The following ZNF320 variants were observed in gnomAD, a reference collection of about 807,000 sequenced individuals.
ZNF320 encodes the protein zinc finger gene 320.
Under a neutral mutation model 6.8 loss-of-function variants are expected in ZNF320, and 2 were observed. The ratio of observed to expected loss-of-function variants is 0.29; its 90% CI spans 0.12 to 0.93. The LOEUF (loss-of-function observed/expected upper bound fraction) is 0.93, where lower values mean the gene tolerates loss of function less well. ZNF320 is among the 40% of genes least tolerant of loss of function. The pLI is 0.55. For synonymous variants in ZNF320, 208 were observed against 203.2 expected (o/e 1.02, Z -0.20); for missense variants, 472 against 611.0 (o/e 0.77, Z 2.40).
rs569675464 is a variant in ZNF320 at position 52,865,451 on chromosome 19, TGTA to T, written c.224-1295_224-1293del. 268 of 121,852 alleles carry T rather than the reference TGTA, an allele frequency of 2.2e-3. 12 individuals carry two copies. The highest frequency in any genetic ancestry group is 7.8e-3 in the African/African-American group (179 of 23,030). The allele number at this position is 121,852 out of a possible 1,614,324, so 7.5% of individuals were successfully genotyped here. On this transcript the variant is annotated intron_variant, in intron 5 of 5. Coordinates refer to the ZNF320 transcript ENST00000673631. ...TCCAGGCTTTATATATATATATATATGTAATACATATATATATATTACATATAT... is the reference window on the plus strand; with the variant it reads ...TCCAGGCTTTATATATATATATATATATACATATATATATATTACATATAT...
chr19:52,890,198 G>T, intron 4 of ZNF320, 43 bp downstream of exon 4: 1 of 1,601,738 alleles, frequency 6.2e-7, no homozygotes. Context: ...CAGCATTTCT[G>T]AAAGGAAGGA....
At chr19:52,865,943 T>G (rs1197295981) in intron 5 of ZNF320, among the ~76,000 whole-genome samples, 1 of 128,178 alleles carries the variant, frequency 7.8e-6, no homozygotes, top group Admixed American at 8.7e-5. Flanking sequence ...ACACATATAT[T>G]TATATATTAT....
At chr19:52,903,149 A>T in the ZNF320 span, among the ~76,000 whole-genome samples, 2,098 of 152,312 alleles carry the variant, frequency 0.014, 19 homozygotes, top group East Asian at 0.022. Flanking sequence ...GCATAAAAAA[A>T]TTTTTTAAAG....
rs1167501974 is a variant in ZNF320 at position 52,881,842 on chromosome 19, T to C, written c.284A>G (p.His95Arg). Residue 95 changes from histidine (H) to arginine (R), a missense_variant, in exon 6 of 6, where the codon CAT (histidine) becomes CGT (arginine). Physicochemically the swap from His to Arg is conservative, Grantham distance 29. Transcript: ENST00000682928. ...TTCTTGCCACTGAAACACAAAGTCATGAATGTCTTTCTCAATTTCCTGGGA... is the reference window on the plus strand; with the variant it reads ...TTCTTGCCACTGAAACACAAAGTCACGAATGTCTTTCTCAATTTCCTGGGA... ...FCSQEIEKDI[H>R]DFVFQWQEDE... The C allele has an allele frequency of 6.2e-7, 1 of 1,613,970 alleles. No individual in the cohort carries two copies. The highest frequency in any genetic ancestry group is 1.1e-5 in the South Asian group (1 of 91,058).
intron 5 of ZNF320, chr19:52,865,286 G>C (rs993415712): frequency 1.3e-5 from 3 of 227,976 alleles, no homozygotes; most frequent in Admixed American, 5.1e-5. Context: ...CGTGCTACTG[G>C]ACTCCAGACT....
intron 1 of ZNF320, chr19:52,895,535 G>C (rs781127804): frequency 1.3e-5 from 2 of 152,010 alleles, no homozygotes; most frequent in Non-Finnish European, 2.9e-5. Context: ...AATTGGCCAG[G>C]CACGGTGGCT....
chr19:52,866,383 C>T (rs2063573010), intron 5 of ZNF320, among the ~76,000 whole-genome samples: 1 of 151,622 alleles, frequency 6.6e-6, no homozygotes, highest in Non-Finnish European at 1.5e-5. Flanking sequence ...AGGAACCCTC[C>T]ACATACATGT....
chr19:52,880,630 C>A lies in ZNF320; in HGVS notation c.1496G>T (p.Cys499Phe). 2 of 1,612,240 alleles carry A rather than the reference C, an allele frequency of 1.2e-6. No homozygotes were observed. Among genetic ancestry groups the A allele is most frequent in the African/African-American group, 1.3e-5 (1 of 75,026 alleles). ...KIPFGDNCFK[C>F]NEYSKPSSIN is the part of the protein sequence containing the mutation. ...GCTTGATGGTTTGCTATACTCATTG[C>A]ACTTGAAACAATTGTCTCCAAAAGG... The change falls in exon 6 of 6, where the codon TGC becomes TTC. Residue 499 changes from cysteine (C) to phenylalanine (F), a missense_variant. This residue lies in a region of ZNF320 where 462 missense variants were observed against 559.7 expected (regional missense o/e 0.83). Coordinates refer to ENST00000682928, the MANE Select transcript of ZNF320 (RefSeq NM_001351774.2).
chr19:52,871,267 C>A (rs1368160321), downstream of ZNF320, among the ~76,000 whole-genome samples: 1 of 152,128 alleles, frequency 6.6e-6, no homozygotes, highest in Non-Finnish European at 1.5e-5. Context: ...GCTGTAAACT[C>A]TAAATTGTGC....
upstream of ZNF320, among the ~76,000 whole-genome samples, chr19:52,898,595 G>A: frequency 6.6e-6 from 1 of 152,216 alleles, no homozygotes; most frequent in East Asian, 1.9e-4. Context: ...TATTCAGCTG[G>A]GAGCGTCAGC....
At chr19:52,870,659 G>A (rs1020370442) in intron 5 of ZNF320, among the ~76,000 whole-genome samples, 1 of 151,666 alleles carries the variant, frequency 6.6e-6, no homozygotes, top group African/African-American at 2.4e-5. Context: ...CCAGCTACTC[G>A]AGGTGCTCAG....
At chr19:52,901,220 A>G (rs1472138242), upstream of ZNF320, among the ~76,000 whole-genome samples, 1 of 152,228 alleles carries the variant, frequency 6.6e-6, no homozygotes, top group East Asian at 1.9e-4. Flanking sequence ...ATCCTGGTAC[A>G]CTTATAATAA....
At chr19:52,873,756 C>T (rs1158445766), downstream of ZNF320, among the ~76,000 whole-genome samples, 1 of 152,154 alleles carries the variant, frequency 6.6e-6, no homozygotes, top group Non-Finnish European at 1.5e-5. Flanking sequence ...TCCATCCATG[C>T]CTGGTGTGAG....
upstream of ZNF320, among the ~76,000 whole-genome samples, chr19:52,899,195 G>T (rs1313647340): frequency 6.6e-6 from 1 of 152,158 alleles, no homozygotes; most frequent in African/African-American, 2.4e-5. Context: ...GCAGTAAGCA[G>T]CTTTTTATTA....
intron 5 of ZNF320, among the ~76,000 whole-genome samples, chr19:52,864,820 T>A (rs1045901045): frequency 2.0e-5 from 3 of 151,010 alleles, no homozygotes; most frequent in Admixed American, 6.6e-5. Context: ...GAGACCATCC[T>A]GGCTAACACA....
In ZNF320 at chr19:52,882,631, A is replaced by C. The variant is rs570929867; in HGVS notation, c.143-648T>G. 2.0e-5 allele frequency among the ~76,000 whole-genome samples: 3 copies of C among 152,260 alleles called. No individual in the cohort carries two copies. In the East Asian group the frequency reaches 5.8e-4, roughly 29 times the overall value. On this transcript the variant is annotated intron_variant, in intron 5 of 5. Coordinates refer to ENST00000682928, the MANE Select transcript of ZNF320 (RefSeq NM_001351774.2). Reference sequence around the variant, plus strand: ...CACTGCACTCCAGCCTGGGTGACAAAGTGAGACTCTGTCTCAGAAAACAAA... The same window carrying C: ...CACTGCACTCCAGCCTGGGTGACAACGTGAGACTCTGTCTCAGAAAACAAA...
At chr19:52,897,894 T>A (rs867180020), upstream of ZNF320, among the ~76,000 whole-genome samples, 1 of 152,178 alleles carries the variant, frequency 6.6e-6, no homozygotes, top group Admixed American at 6.5e-5. Context: ...GGGTGGGTCC[T>A]GAGCTTTCCT....
At chr19:52,899,277 G>C (rs1201331485), upstream of ZNF320, among the ~76,000 whole-genome samples, 1 of 152,086 alleles carries the variant, frequency 6.6e-6, no homozygotes, top group African/African-American at 2.4e-5. Context: ...CATGGCTCCT[G>C]GATTGAGTCC....
chr19:52,865,597 T>A (rs113758166), intron 5 of ZNF320, among the ~76,000 whole-genome samples: 1 of 126,908 alleles, frequency 7.9e-6, no homozygotes, highest in East Asian at 2.2e-4. Flanking sequence ...ATACATATAT[T>A]TATATATGAG....
Sources: allele counts gnomAD v4.1 joint callset (sites outside exome capture counted in the v4.1 genomes callset), GRCh38; gene constraint gnomAD v4.1.1; regional missense constraint gnomAD v4.1.1; transcripts MANE v1.5; gene names NCBI Gene and HGNC (gene_info 2026-07-23, HGNC 2026-07-21).